TASOR2: variants seen among roughly 807,000 people sequenced by gnomAD.
TASOR2 encodes the protein transcription activation suppressor family member 2.
TASOR2 carries 84 observed loss-of-function variants against 199.5 expected under a neutral mutation model. The observed-to-expected ratio is 0.42, with a 90% CI of 0.35 to 0.50. The LOEUF (loss-of-function observed/expected upper bound fraction) is 0.50, where lower values mean the gene tolerates loss of function less well. Among genes scored for constraint, TASOR2 ranks in the 20% least tolerant of loss-of-function variants. TASOR2 has a pLI of 0.02. For missense variants in TASOR2, 2,796 were observed against 2,835.9 expected (o/e 0.99, Z 0.32); for synonymous variants, 1,103 against 1,046.6 (o/e 1.05, Z -1.04).
In TASOR2 at chr10:5,731,125, TC is replaced by T; in HGVS notation, c.1128del (p.Arg377GlufsTer14). 6.2e-7 allele frequency: 1 copy of T among 1,612,820 alleles called. No homozygotes were observed. Among genetic ancestry groups the T allele is most frequent in the Non-Finnish European group, 8.5e-7 (1 of 1,180,016 alleles). ...CCGCCCCTTTCCCAAAAGAACTGCT[TC>T]CAGAGCAGACAACAGCTCGGACTCT... is the stretch of plus-strand genomic sequence containing the variant. On this transcript the variant is annotated frameshift_variant, in exon 11 of 21. Transcript: ENST00000328090. LOFTEE classifies it high-confidence loss of function.
chr10:5,712,741 T>A (rs1588678660), intron 1 of TASOR2, 82 bp from the exon 2 acceptor site: 1 of 785,846 alleles, frequency 1.3e-6, no homozygotes, highest in Non-Finnish European at 1.7e-6. Flanking sequence ...GCAGGAAGAA[T>A]TCAAATGATG....
rs747644856 is a variant in TASOR2, at chr10:5,730,358, G to A, written c.488-129G>A. On this transcript the variant is annotated intron_variant, in intron 10 of 20. Transcript: ENST00000328090. This position sits in a 1 kb window ranked among gnomAD's most constrained non-coding sequence, Gnocchi z 4.1. Reference sequence around the variant, plus strand: ...TAAGTCTTCTATTAATTGCCATTTAGGTTGTCATTTGAAATACTATAACAT... The same window carrying A: ...TAAGTCTTCTATTAATTGCCATTTAAGTTGTCATTTGAAATACTATAACAT... The A allele has an allele frequency of 3.0e-6, 2 of 670,072 alleles. No individual in the cohort carries two copies. Among genetic ancestry groups the A allele is most frequent in the Admixed American group, 6.1e-5 (2 of 32,920 alleles). The allele number at this position is 670,072 out of a possible 1,614,324, so 41.5% of individuals were successfully genotyped here.
intron 1 of TASOR2, among the ~76,000 whole-genome samples, chr10:5,711,575 A>AG (rs2131547981): frequency 6.6e-6 from 1 of 152,296 alleles, no homozygotes; most frequent in Non-Finnish European, 1.5e-5. Flanking sequence ...GAGTGTCCGT[A>AG]GGTCATTAGG....
rs1467272089 is a variant in TASOR2 at position 5,687,832 on chromosome 10, G to A, written c.-288+2657G>A. ...GACTCCGTCTCAAAAGACTGCTGAA[G>A]ATCCCAAAGATCTTTTGTTTATTGG... On this transcript the variant is annotated intron_variant, in intron 1 of 20. Transcript: ENST00000328090. This position sits in a 1 kb window ranked among gnomAD's most constrained non-coding sequence, Gnocchi z 4.8. 6.6e-6 allele frequency among the ~76,000 whole-genome samples: 1 copy of A among 152,190 alleles called. No individual in the cohort carries two copies. Among genetic ancestry groups the A allele is most frequent in the Non-Finnish European group, 1.5e-5 (1 of 68,034 alleles).
chr10:5,760,995 C>T, intron 18 of TASOR2: 2 of 251,666 alleles, frequency 7.9e-6, no homozygotes, highest in East Asian at 8.2e-5. Context: ...TACAAATATA[C>T]AACGCAATAA....
intron 1 of TASOR2, among the ~76,000 whole-genome samples, chr10:5,691,250 TTTG>T (rs1026145946): frequency 2.0e-5 from 3 of 151,552 alleles, no homozygotes; most frequent in Admixed American, 1.3e-4. Context: ...CTCTAAAGAA[TTTG>T]TTGTTGTTTT....
chr10:5,712,590 G>A (rs1832056553), intron 1 of TASOR2: 1 of 1,224,046 alleles, frequency 8.2e-7, no homozygotes, highest in Non-Finnish European at 1.0e-6. Context: ...TTTAAAAGAG[G>A]TAAACCCATC....
rs1239914949 is a variant in TASOR2 at position 5,748,463 on chromosome 10, A to G, written c.5042A>G (p.Gln1681Arg). 5 of 1,614,188 alleles carry G rather than the reference A, an allele frequency of 3.1e-6. No homozygotes were observed. In the South Asian group the frequency reaches 5.5e-5, roughly 18 times the overall value. The stretch of plus-strand genomic sequence containing the variant: ...CCAATAAATGCAGAGCCAGTGTTTC[A>G]AGCACAGGAAATACCAGCAGGCAGA... The change falls in exon 15 of 21, where the codon CAA becomes CGA. Residue 1681 changes from glutamine to arginine, a missense_variant. By Grantham distance (43) the Gln-to-Arg change is conservative. Transcript: ENST00000328090. This position sits in a 1 kb window ranked among gnomAD's most constrained non-coding sequence, Gnocchi z 5.1.
chr10:5,692,035 C>T (rs1476010773), intron 1 of TASOR2, among the ~76,000 whole-genome samples: 5 of 151,070 alleles, frequency 3.3e-5, no homozygotes, highest in Admixed American at 6.6e-5. Flanking sequence ...ATTAGCTAGG[C>T]GTGGCGGCCC....
chr10:5,748,089 T>C lies in TASOR2; in HGVS notation c.4668T>C (p.Ser1556=), dbSNP rs760027943. 1.2e-6 allele frequency: 2 copies of C among 1,614,222 alleles called. No individual in the cohort carries two copies. The highest frequency in any genetic ancestry group is 2.2e-5 in the South Asian group (2 of 91,080). ...CAGGAAATCCATTGCAGCCAGTTAG[T>C]ATAGAGAATAGAAATTTGGACTTAA... Residue 1556 remains serine (S), a synonymous_variant, in exon 15 of 21, where the codon AGT becomes AGC. Coordinates refer to ENST00000328090, the Ensembl canonical transcript of TASOR2. The surrounding 1 kb of genome is among the most constrained non-coding windows in gnomAD (Gnocchi z 5.1).
chr10:5,757,637 A>G (rs1839157683), exon 17 of TASOR2: 4 of 1,613,892 alleles, frequency 2.5e-6, no homozygotes, highest in Non-Finnish European at 3.4e-6. Flanking sequence ...AGGCTTTGTG[A>G]TATCAGATGA....
At chr10:5,693,581 A>G (rs1010268699) in intron 1 of TASOR2, among the ~76,000 whole-genome samples, 1 of 152,188 alleles carries the variant, frequency 6.6e-6, no homozygotes, top group Non-Finnish European at 1.5e-5. Flanking sequence ...TTTAAAAAAA[A>G]CCTGTAACTT....
chr10:5,748,709 C>T lies in TASOR2; in HGVS notation c.5288C>T (p.Thr1763Ile). ...GGTCCCTACCAAAATACAGCAGACACCAAGGAAAACCTCAGTAAAGAGCCT... is the reference window on the plus strand; with the variant it reads ...GGTCCCTACCAAAATACAGCAGACATCAAGGAAAACCTCAGTAAAGAGCCT... The change falls in exon 15 of 21, where the codon ACC (threonine) becomes ATC (isoleucine). Residue 1763 changes from threonine to isoleucine, a missense_variant. Thr to Ile is a moderately conservative substitution (Grantham distance 89). This residue lies in a region of TASOR2 where 1,941 missense variants were observed against 1,924.9 expected (regional missense o/e 1.01). Coordinates refer to ENST00000328090, the Ensembl canonical transcript of TASOR2. This position sits in a 1 kb window ranked among gnomAD's most constrained non-coding sequence, Gnocchi z 5.1. 1 of 1,614,210 alleles carries T rather than the reference C, an allele frequency of 6.2e-7. No homozygotes were observed. Among genetic ancestry groups the T allele is most frequent in the Non-Finnish European group, 8.5e-7 (1 of 1,180,036 alleles).
intron 1 of TASOR2, among the ~76,000 whole-genome samples, chr10:5,695,936 T>A (rs904602265): frequency 6.6e-6 from 1 of 152,122 alleles, no homozygotes. Context: ...GGTTGGTTGA[T>A]GGTCTTTATC....
At chr10:5,739,890 A>G in exon 13 of TASOR2, 1 of 1,614,184 alleles carries the variant, frequency 6.2e-7, no homozygotes, top group Non-Finnish European at 8.5e-7. Flanking sequence ...CTCTAAAGAA[A>G]ATTCTTTGCG....
chr10:5,753,446 TCTGTCTCCCGCATTCACACCATTCTC>T (rs1303612648), intron 15 of TASOR2, among the ~76,000 whole-genome samples: 1 of 152,184 alleles, frequency 6.6e-6, no homozygotes, highest in African/African-American at 2.4e-5. Context: ...CACTGCAAGC[TCTGTCTCCCGCATTCACACCATTCTC>T]CTGCCTCTGC....
intron 10 of TASOR2, among the ~76,000 whole-genome samples, chr10:5,728,419 C>T (rs1201355712): frequency 2.6e-5 from 4 of 151,792 alleles, no homozygotes; most frequent in African/African-American, 4.8e-5. Flanking sequence ...GGGTGGATCA[C>T]GAGGTCAGGA....
In TASOR2 at chr10:5,748,807, A is replaced by G. The variant is rs774214536; in HGVS notation, c.5386A>G (p.Asn1796Asp). 1 of 1,614,118 alleles carries G rather than the reference A, an allele frequency of 6.2e-7. No homozygotes were observed. The highest frequency in any genetic ancestry group is 1.7e-5 in the Admixed American group (1 of 60,020). ...AGCCACAGAGCACGTAGAAATTGAG[A>G]ACAGTGGGGAGGGGCTCAGGGCTGA... The change falls in exon 15 of 21, where the codon AAC becomes GAC. Residue 1796 changes from asparagine (N) to aspartate (D), a missense_variant. Asn to Asp is a conservative substitution (Grantham distance 23). This residue lies in a region of TASOR2 where 1,941 missense variants were observed against 1,924.9 expected (regional missense o/e 1.01). Coordinates refer to ENST00000328090, the Ensembl canonical transcript of TASOR2. This position sits in a 1 kb window ranked among gnomAD's most constrained non-coding sequence, Gnocchi z 5.1.
At chr10:5,762,668 C>T (rs1297565355) in intron 20 of TASOR2, 22 bp downstream of exon 21, 2 of 1,111,488 alleles carry the variant, frequency 1.8e-6, no homozygotes, top group East Asian at 2.5e-5. Context: ...TTTTATGTAA[C>T]TTTCCCATGT....
Sources: gnomAD v4.1 joint callset for allele counts (sites outside exome capture counted in the v4.1 genomes callset) on GRCh38, gnomAD v4.1.1 for gene constraint, gnomAD v4.1.1 regional missense constraint, Gnocchi (gnomAD v3.1) non-coding constraint, MANE v1.5 for transcripts, NCBI Gene and HGNC (gene_info 2026-07-23, HGNC 2026-07-21) for gene names.